The following LINGO1 variants were observed in gnomAD, a reference collection of about 807,000 sequenced individuals.
LINGO1 encodes the protein leucine rich repeat and Ig domain containing 1, also known as leucine-rich repeat and immunoglobulin-like domain-containing nogo receptor-interacting protein 1.
A neutral mutation model predicts 37.3 loss-of-function variants in LINGO1; 11 were observed. That is an observed-to-expected ratio of 0.29 (90% CI 0.19 to 0.49). LINGO1 has a LOEUF of 0.49. Ranked by LOEUF, LINGO1 falls within the 20% of genes least tolerant of loss-of-function variation. The pLI, the probability that LINGO1 is intolerant of heterozygous loss-of-function variation, is 0.99. For missense variants in LINGO1, 585 were observed against 878.2 expected (o/e 0.67, Z 4.22); for synonymous variants, 387 against 403.0 (o/e 0.96, Z 0.48).
intron 3 of LINGO1, among the ~76,000 whole-genome samples, chr15:77,666,219 G>A (rs886277959): frequency 6.6e-5 from 10 of 152,260 alleles, no homozygotes; most frequent in Non-Finnish European, 7.3e-5. Flanking sequence ...TCCCCTTTGA[G>A]TGGGTGTTCC....
At chr15:77,716,584 G>A (rs1202027296) in intron 2 of LINGO1, among the ~76,000 whole-genome samples, 1 of 150,074 alleles carries the variant, frequency 6.7e-6, no homozygotes, top group Non-Finnish European at 1.5e-5. Context: ...TGCAGCATTA[G>A]TAACACAGAC....
At chr15:77,672,832 TA>T (rs1040920648) in intron 3 of LINGO1, among the ~76,000 whole-genome samples, 4 of 152,106 alleles carry the variant, frequency 2.6e-5, no homozygotes, top group African/African-American at 9.7e-5. Flanking sequence ...ACACTGAAGG[TA>T]ACTGTGTCAG....
At chr15:77,625,784 G>T (rs1448452351) in intron 1 of LINGO1, among the ~76,000 whole-genome samples, 1 of 152,192 alleles carries the variant, frequency 6.6e-6, no homozygotes, top group Non-Finnish European at 1.5e-5. Flanking sequence ...AGGTTCAGGG[G>T]CCTGCTGAGC....
chr15:77,628,062 G>T (rs1005572557), intron 1 of LINGO1, among the ~76,000 whole-genome samples: 1 of 152,190 alleles, frequency 6.6e-6, no homozygotes. Flanking sequence ...TGACAATACC[G>T]AGTGTTGATC....
intron 1 of LINGO1, among the ~76,000 whole-genome samples, chr15:77,764,899 T>C (rs1245484924): frequency 6.6e-6 from 1 of 152,160 alleles, no homozygotes; most frequent in African/African-American, 2.4e-5. Context: ...GCTGCAGATA[T>C]CCACCAGCAG....
chr15:77,807,794 C>T (rs182942046), intron 1 of LINGO1, among the ~76,000 whole-genome samples: 66 of 152,188 alleles, frequency 4.3e-4, no homozygotes, highest in African/African-American at 1.5e-3. Context: ...ACTCTGGGCA[C>T]GAGCAGAAGC....
At chr15:77,698,143 G>A (rs896622644), upstream of LINGO1, among the ~76,000 whole-genome samples, 4 of 152,252 alleles carry the variant, frequency 2.6e-5, no homozygotes, top group East Asian at 1.9e-4. Context: ...AGAGGAGGGC[G>A]GATGAGGGAG....
chr15:77,685,879 T>C (rs1019947003), intron 2 of LINGO1, among the ~76,000 whole-genome samples: 1 of 151,956 alleles, frequency 6.6e-6, no homozygotes, highest in Non-Finnish European at 1.5e-5. Context: ...AAGTGTAAAT[T>C]CAAGATAATG....
intron 2 of LINGO1, among the ~76,000 whole-genome samples, chr15:77,684,876 G>A (rs1419371521): frequency 1.3e-5 from 2 of 152,144 alleles, no homozygotes; most frequent in East Asian, 1.9e-4. Flanking sequence ...CAAGTCAGAC[G>A]CAGGGAGGCC....
chr15:77,754,978 T>C (rs1249396848), intron 1 of LINGO1, among the ~76,000 whole-genome samples: 1 of 152,230 alleles, frequency 6.6e-6, no homozygotes, highest in Non-Finnish European at 1.5e-5. Context: ...AGACACTTTT[T>C]GACTTATCTG....
intron 1 of LINGO1, among the ~76,000 whole-genome samples, chr15:77,783,180 C>T (rs1006988999): frequency 2.0e-5 from 3 of 152,310 alleles, no homozygotes; most frequent in Admixed American, 2.0e-4. Context: ...CTGTCGTTTC[C>T]CTCCCGAGCT....
chr15:77,785,656 C>T (rs1243168737), intron 1 of LINGO1, among the ~76,000 whole-genome samples: 7 of 152,122 alleles, frequency 4.6e-5, no homozygotes, highest in Non-Finnish European at 4.4e-5. Flanking sequence ...ATGCCCTGTC[C>T]TGGGCTTGCT....
At chr15:77,702,059 T>C (rs2075790688) in intron 2 of LINGO1, among the ~76,000 whole-genome samples, 1 of 152,152 alleles carries the variant, frequency 6.6e-6, no homozygotes, top group South Asian at 2.1e-4. Flanking sequence ...GTGTCACAGA[T>C]GGTGCCTGAA....
At position 77,761,853 on chromosome 15, in the gene LINGO1, G is replaced by A. The variant is rs144319820; in HGVS notation, c.-257+25016C>T. On this transcript the variant is annotated intron_variant, in intron 1 of 3. Coordinates refer to the LINGO1 transcript ENST00000561686. ...TCATTGAGGCCCTGTCACATGCCCAGCCCCTGGAGTCTCCATCCCTGGCAT... is the reference window on the plus strand; with the variant it reads ...TCATTGAGGCCCTGTCACATGCCCAACCCCTGGAGTCTCCATCCCTGGCAT... Among the ~76,000 whole-genome samples, 1,276 of 152,320 alleles carry A rather than the reference G, an allele frequency of 8.4e-3. 22 individuals are homozygous for A. Among genetic ancestry groups the A allele is most frequent in the African/African-American group, 0.029 (1,205 of 41,568 alleles).
chr15:77,631,472 T>C (rs1044736665), intron 1 of LINGO1, among the ~76,000 whole-genome samples: 1 of 152,116 alleles, frequency 6.6e-6, no homozygotes, highest in African/African-American at 2.4e-5. Flanking sequence ...GGCTGCCCAC[T>C]GGCCTGGCCC....
intron 3 of LINGO1, among the ~76,000 whole-genome samples, chr15:77,668,891 T>G (rs115120371): frequency 0.012 from 1,749 of 151,974 alleles, 44 homozygotes; most frequent in African/African-American, 0.04. Context: ...AACCTCTCCC[T>G]GTTGAGAAGG....
chr15:77,657,620 G>A (rs569883522), intron 3 of LINGO1, among the ~76,000 whole-genome samples: 5 of 152,250 alleles, frequency 3.3e-5, no homozygotes, highest in African/African-American at 1.2e-4. Context: ...GTCACACAGC[G>A]AGCCTGGGGT....
intron 1 of LINGO1, among the ~76,000 whole-genome samples, chr15:77,626,961 C>G (rs1182762210): frequency 5.8e-4 from 81 of 138,760 alleles, no homozygotes; most frequent in South Asian, 3.3e-3. Context: ...CCCGCCCCCC[C>G]AACCCCCCAT....
chr15:77,623,641 G>A (rs532690574), intron 1 of LINGO1, among the ~76,000 whole-genome samples: 74 of 152,298 alleles, frequency 4.9e-4, no homozygotes, highest in Admixed American at 1.4e-3. Context: ...GCCAGTGTCC[G>A]CCGTCTCCCC....
Sources: gnomAD v4.1 joint callset for allele counts (sites outside exome capture counted in the v4.1 genomes callset) on GRCh38, gnomAD v4.1.1 for gene constraint, MANE v1.5 for transcripts, NCBI Gene and HGNC (gene_info 2026-07-23, HGNC 2026-07-21) for gene names.